Variants in CCNJL observed in about 807,000 individuals in gnomAD.
CCNJL encodes the protein cyclin J like, also known as cyclin-J-like protein.
A neutral mutation model predicts 33.4 loss-of-function variants in CCNJL; 33 were observed. The observed-to-expected ratio is 0.99, with a 90% CI of 0.75 to 1.32. CCNJL has a LOEUF of 1.32. Among genes scored for constraint, CCNJL ranks in the 40% most tolerant of loss-of-function variants. The pLI, the probability that CCNJL is intolerant of heterozygous loss-of-function variation, is 0.00. For missense variants in CCNJL, 512 were observed against 499.7 expected (o/e 1.02, Z -0.23); for synonymous variants, 227 against 220.9 (o/e 1.03, Z -0.24).
At chr5:160,326,881 G>A (rs777679967) in intron 1 of CCNJL, 74 of 685,904 alleles carry the variant, frequency 1.1e-4, no homozygotes, top group Non-Finnish European at 1.9e-4. Context: ...TGATACAGAA[G>A]AGATTCATTC....
intron 2 of CCNJL, among the ~76,000 whole-genome samples, chr5:160,282,966 A>AATATATATATATATATATATATATAT (rs70990720): frequency 1.8e-4 from 8 of 43,380 alleles, no homozygotes; most frequent in Non-Finnish European, 2.4e-4. Context: ...CAGTCCTTGG[A>AATATATATATATATATATATATATAT]ATATATATAT....
Position 160,280,498 on chromosome 5 carries a change from C to T in CCNJL, c.280+27G>A, listed in dbSNP as rs114120913. On this transcript the variant is annotated intron_variant, in intron 3 of 5. Coordinates refer to ENST00000257536, the MANE Select transcript of CCNJL (RefSeq NM_001308173.3). ...TGAGCGGGAGGAGACCGCACAAGCGCGGAGGAAGACGTAGGTTTTCGCTTA... is the reference window on the plus strand; with the variant it reads ...TGAGCGGGAGGAGACCGCACAAGCGTGGAGGAAGACGTAGGTTTTCGCTTA... 1.3e-3 allele frequency: 2,036 copies of T among 1,588,964 alleles called. 19 individuals carry two copies. In the African/African-American group the frequency reaches 0.024, roughly 19 times the overall value.
intron 1 of CCNJL, among the ~76,000 whole-genome samples, chr5:160,317,954 C>T (rs1763397450): frequency 6.6e-6 from 1 of 152,106 alleles, no homozygotes; most frequent in Non-Finnish European, 1.5e-5. Context: ...ACTCCAGACC[C>T]TGCCTGTGTC....
At chr5:160,304,967 C>T (rs1291692647) in intron 2 of CCNJL, among the ~76,000 whole-genome samples, 1 of 152,092 alleles carries the variant, frequency 6.6e-6, no homozygotes, top group African/African-American at 2.4e-5. Context: ...GTGCACACCA[C>T]CACGCCCGGC....
chr5:160,297,153 T>C (rs1762771127), intron 2 of CCNJL, among the ~76,000 whole-genome samples: 1 of 152,234 alleles, frequency 6.6e-6, no homozygotes, highest in South Asian at 2.1e-4. Flanking sequence ...AGTGGTTTGA[T>C]ATGACTATAT....
chr5:160,268,675 T>C (rs1761708073), intron 3 of CCNJL, among the ~76,000 whole-genome samples: 1 of 152,184 alleles, frequency 6.6e-6, no homozygotes, highest in Non-Finnish European at 1.5e-5. Context: ...GGAGGCCAGG[T>C]AGCCTCCCCT....
chr5:160,286,393 T>A (rs1314603486), intron 2 of CCNJL, among the ~76,000 whole-genome samples: 1 of 152,168 alleles, frequency 6.6e-6, no homozygotes, highest in Non-Finnish European at 1.5e-5. Flanking sequence ...ATCCAAGCAC[T>A]GTGGGAGGCC....
In CCNJL at chr5:160,295,933, G is replaced by C. The variant is rs149892633; in HGVS notation, c.67-15195C>G. Among the ~76,000 whole-genome samples, 940 of 152,266 alleles carry C rather than the reference G, an allele frequency of 6.2e-3. 11 individuals carry two copies. The highest frequency in any genetic ancestry group is 0.022 in the African/African-American group (908 of 41,558). On this transcript the variant is annotated intron_variant, in intron 2 of 5. Coordinates refer to ENST00000257536, the MANE Select transcript of CCNJL (RefSeq NM_001308173.3). The stretch of plus-strand genomic sequence containing the variant: ...CCTGTCTCACCGAATCAGAATTCCT[G>C]GGGATGGAGCTGGGCACCTATCTAT...
chr5:160,265,549 C>T (rs1195767828), intron 3 of CCNJL, among the ~76,000 whole-genome samples: 1 of 151,532 alleles, frequency 6.6e-6, no homozygotes, highest in Non-Finnish European at 1.5e-5. Flanking sequence ...AAGGCAGAAT[C>T]GCTTGAACCT....
chr5:160,291,553 A>T (rs1762585996), intron 2 of CCNJL, among the ~76,000 whole-genome samples: 2 of 152,202 alleles, frequency 1.3e-5, no homozygotes, highest in African/African-American at 4.8e-5. Flanking sequence ...TGACTCTGGG[A>T]AAAGGTGCCT....
In CCNJL at chr5:160,303,708, G is replaced by C. The variant is rs1049750096; in HGVS notation, c.66+8150C>G. On this transcript the variant is annotated intron_variant, in intron 2 of 5. Transcript: ENST00000257536. ...ACAAATCCTCTGTGTGTCTGTGTGT[G>C]TGTGTGTGTGTGTGTGTGTCTGTGT... Among the ~76,000 whole-genome samples the C allele has an allele frequency of 8.2e-4, 75 of 91,292 alleles. No individual in the cohort carries two copies. In the South Asian group the frequency reaches 0.012, roughly 14 times the overall value. The allele number at this position is 91,292 out of a possible 152,430, so 59.9% of individuals were successfully genotyped here.
intron 2 of CCNJL, among the ~76,000 whole-genome samples, chr5:160,297,515 C>T (rs558590700): frequency 5.3e-5 from 8 of 152,082 alleles, no homozygotes; most frequent in Admixed American, 3.9e-4. Context: ...CTTCAGAGCC[C>T]GTCTTAAAAG....
intron 1 of CCNJL, among the ~76,000 whole-genome samples, chr5:160,328,394 C>T (rs1408178706): frequency 6.6e-6 from 1 of 152,218 alleles, no homozygotes; most frequent in African/African-American, 2.4e-5. Context: ...CAAGTGATAC[C>T]GGTGGCTTGG....
rs574688763 is a variant in CCNJL at position 160,253,226 on chromosome 5, G to A, written c.*152C>T. 6.0e-5 allele frequency: 37 copies of A among 619,642 alleles called. No individual in the cohort carries two copies. The South Asian group carries it at 7.6e-4, about 13-fold the overall frequency. The allele number at this position is 619,642 out of a possible 1,614,324, so 38.4% of individuals were successfully genotyped here. ...GTATGTTATTGAATGTTTTGCTCTG[G>A]GTCAGTTTTATTTAAAAGGAGCACA... On this transcript the variant is annotated 3_prime_UTR_variant, in exon 6 of 6. Transcript: ENST00000257536.
chr5:160,337,265 C>G (rs190947428), intron 1 of CCNJL, among the ~76,000 whole-genome samples: 34 of 151,552 alleles, frequency 2.2e-4, no homozygotes, highest in African/African-American at 7.8e-4. Context: ...ATCCTTCTGT[C>G]TCGCCTCGCC....
intron 1 of CCNJL, among the ~76,000 whole-genome samples, chr5:160,319,782 T>C (rs1350257779): frequency 6.6e-6 from 1 of 152,126 alleles, no homozygotes; most frequent in African/African-American, 2.4e-5. Flanking sequence ...TTTTGTTTTT[T>C]AATTTAGCCA....
intron 2 of CCNJL, among the ~76,000 whole-genome samples, chr5:160,308,541 A>T (rs778453313): frequency 6.6e-6 from 1 of 152,222 alleles, no homozygotes; most frequent in African/African-American, 2.4e-5. Flanking sequence ...ACGGATAACG[A>T]GGTCAGGGGT....
intron 1 of CCNJL, among the ~76,000 whole-genome samples, chr5:160,334,286 G>A (rs1763655861): frequency 6.6e-6 from 1 of 152,100 alleles, no homozygotes. Flanking sequence ...ATCTCCACTA[G>A]GCTGCCTACT....
At chr5:160,263,443 G>A (rs1761435320) in intron 3 of CCNJL, among the ~76,000 whole-genome samples, 1 of 152,194 alleles carries the variant, frequency 6.6e-6, no homozygotes, top group South Asian at 2.1e-4. Context: ...TACCGCTGAA[G>A]TCCCCTTGTT....
Sources: allele counts gnomAD v4.1 joint callset (sites outside exome capture counted in the v4.1 genomes callset), GRCh38; gene constraint gnomAD v4.1.1; transcripts MANE v1.5; gene names NCBI Gene and HGNC (gene_info 2026-07-23, HGNC 2026-07-21).